Variants in DYSF observed in about 807,000 individuals in gnomAD.
DYSF encodes dysferlin, also known as dystrophy-associated fer-1-like 1.
A neutral mutation model predicts 274.9 loss-of-function variants in DYSF; 212 were observed. The observed-to-expected ratio is 0.77, with a 90% CI of 0.69 to 0.86. DYSF has a LOEUF of 0.86. Ranked by LOEUF, DYSF falls within the 40% of genes least tolerant of loss-of-function variation. DYSF has a pLI of 0.00. For synonymous variants in DYSF, 1,091 were observed against 1,078.7 expected (o/e 1.01, Z -0.22); for missense variants, 2,666 against 2,783.2 (o/e 0.96, Z 0.95).
chr2:71,652,341 C>A (rs1224664274), intron 42 of DYSF, among the ~76,000 whole-genome samples: 2 of 152,136 alleles, frequency 1.3e-5, no homozygotes, highest in Admixed American at 6.5e-5. Flanking sequence ...ACAAAATTAT[C>A]CCTGTGTCTG....
At chr2:71,529,730 G>A (rs2088436399) in intron 14 of DYSF, among the ~76,000 whole-genome samples, 1 of 152,158 alleles carries the variant, frequency 6.6e-6, no homozygotes, top group African/African-American at 2.4e-5. Flanking sequence ...CTTATCTAAT[G>A]GTCTAAGCAT....
rs531018064 is a variant in DYSF at position 71,467,305 on chromosome 2, G to A, written c.91+372G>A. Among the ~76,000 whole-genome samples, 181 of 152,296 alleles carry A rather than the reference G, an allele frequency of 1.2e-3. 4 individuals are homozygous for A. In the South Asian group the frequency reaches 0.035, roughly 30 times the overall value. On this transcript the variant is annotated intron_variant, in intron 1 of 55. Coordinates refer to ENST00000410020, the MANE Select transcript of DYSF (RefSeq NM_001130987.2). ...AATCAGGGCCTCTGAAAAACGGGGC[G>A]TGTAGATGATGTGCTTTGAAAGTTG...
chr2:71,656,638 T>C (rs2094777322), intron 43 of DYSF, among the ~76,000 whole-genome samples: 1 of 152,032 alleles, frequency 6.6e-6, no homozygotes, highest in African/African-American at 2.4e-5. Flanking sequence ...GAACTTAGAG[T>C]TCCACATGGC....
intron 7 of DYSF, among the ~76,000 whole-genome samples, chr2:71,514,878 C>T (rs1299430832): frequency 1.3e-5 from 2 of 151,798 alleles, no homozygotes; most frequent in African/African-American, 2.4e-5. Context: ...ATTTTAGACA[C>T]TTTGGAAAAT....
intron 24 of DYSF, among the ~76,000 whole-genome samples, chr2:71,564,906 C>T (rs954134896): frequency 2.0e-5 from 3 of 152,192 alleles, no homozygotes; most frequent in Non-Finnish European, 2.9e-5. Flanking sequence ...GGCTCATGCG[C>T]GGACATAGAG....
chr2:71,552,323 G>A lies in DYSF; in HGVS notation c.1806+603G>A, dbSNP rs200348312. On this transcript the variant is annotated intron_variant, in intron 19 of 55. Coordinates refer to ENST00000410020, the MANE Select transcript of DYSF (RefSeq NM_001130987.2). ...TCAGTTTCCCTATCTGGAAAGTGGG[G>A]GTAATGATTATACTTATCTCATAAG... Among the ~76,000 whole-genome samples, 22 of 152,242 alleles carry A rather than the reference G, an allele frequency of 1.4e-4. No homozygotes were observed. The East Asian group carries it at 3.9e-3, about 27-fold the overall frequency.
At chr2:71,499,358 GTACTT>G (rs2084741725) in intron 3 of DYSF, among the ~76,000 whole-genome samples, 2 of 152,220 alleles carry the variant, frequency 1.3e-5, no homozygotes, top group South Asian at 4.1e-4. Context: ...TGAATGTACT[GTACTT>G]TATTTACCTG....
At chr2:71,638,113 C>G (rs1048049581) in intron 41 of DYSF, among the ~76,000 whole-genome samples, 2 of 150,490 alleles carry the variant, frequency 1.3e-5, no homozygotes, top group African/African-American at 4.9e-5. Context: ...ATAGCTTGTT[C>G]TATTAAAAAA....
In DYSF at chr2:71,569,926, A is replaced by G. The variant is rs2092325929; in HGVS notation, c.2971A>G (p.Thr991Ala). ...GTGGATCTACATGAGTGACAACTAC[A>G]CCGATGTGGTAAAGCAGGCACTCAG... is the stretch of plus-strand genomic sequence containing the variant. The part of the protein sequence containing the change: ...GQWIYMSDNY[T>A]DVNGEKVLPK... The change falls in exon 27 of 56, where the codon ACC becomes GCC. Residue 991 changes from threonine to alanine, a missense_variant. Thr to Ala is a moderately conservative substitution (Grantham distance 58). Around this residue, in one of 3 missense-constraint regions of DYSF, gnomAD observed 1,460 missense variants for 1,502.1 expected, o/e 0.97. Coordinates refer to ENST00000410020, the MANE Select transcript of DYSF (RefSeq NM_001130987.2). 1 of 1,613,806 alleles carries G rather than the reference A, an allele frequency of 6.2e-7. No homozygotes were observed. Among genetic ancestry groups the G allele is most frequent in the Admixed American group, 1.7e-5 (1 of 59,994 alleles).
At chr2:71,674,875 C>T (rs1020461210) in intron 52 of DYSF, among the ~76,000 whole-genome samples, 9 of 152,182 alleles carry the variant, frequency 5.9e-5, no homozygotes, top group South Asian at 4.1e-4. Flanking sequence ...GGCCTGCACG[C>T]TCATCTGTGA....
intron 3 of DYSF, among the ~76,000 whole-genome samples, chr2:71,502,700 C>T (rs1173894621): frequency 6.6e-6 from 1 of 152,198 alleles, no homozygotes; most frequent in Non-Finnish European, 1.5e-5. Flanking sequence ...GTTTCCCCTG[C>T]CCCAATATCC....
intron 40 of DYSF, among the ~76,000 whole-genome samples, chr2:71,617,954 T>TATAA (rs2093945353): frequency 8.7e-6 from 1 of 115,010 alleles, no homozygotes; most frequent in Non-Finnish European, 1.7e-5. Context: ...AGAGGTGGTG[T>TATAA]GTGTGTTTGG....
rs748683630 is a variant in DYSF, at chr2:71,611,343, C to T, written c.4056C>T (p.Ile1352=). The stretch of plus-strand genomic sequence containing the variant: ...AGCCAGCGCTCCAGCGTACCGCCAT[C>T]GAGGTGAGCCGTCCGGGCCTGGGCG... ...NIKPALQRTA[I]EILAWGLRNM... The change falls in exon 37 of 56, where the codon ATC becomes ATT. Residue 1352 remains isoleucine, a synonymous_variant. Transcript: ENST00000410020. 8 of 1,613,800 alleles carry T rather than the reference C, an allele frequency of 5.0e-6. No individual in the cohort carries two copies. The East Asian group carries it at 6.7e-5, about 13-fold the overall frequency.
intron 42 of DYSF, among the ~76,000 whole-genome samples, chr2:71,653,202 A>T (rs2094698184): frequency 6.6e-6 from 1 of 152,186 alleles, no homozygotes; most frequent in African/African-American, 2.4e-5. Flanking sequence ...ACACTTTTAC[A>T]CTGTTGGTGG....
chr2:71,574,184 C>A lies in DYSF; in HGVS notation c.3229-14C>A, dbSNP rs1020437649. ...TTCCCACCGGCCTCTGAGTCTGCCC[C>A]TTCTCTTGTGCAGCACAGGCAGGCG... On this transcript the variant is annotated splice_polypyrimidine_tract_variant and intron_variant, in intron 29 of 55. Transcript: ENST00000410020. The A allele has an allele frequency of 6.2e-7, 1 of 1,613,432 alleles. No homozygotes were observed. Among genetic ancestry groups the A allele is most frequent in the African/African-American group, 1.3e-5 (1 of 74,950 alleles).
chr2:71,537,936 G>A (rs571424091), intron 16 of DYSF, among the ~76,000 whole-genome samples: 24 of 152,176 alleles, frequency 1.6e-4, no homozygotes, highest in Admixed American at 3.9e-4. Flanking sequence ...GTTTCTCAGT[G>A]TCTGCATCAT....
intron 40 of DYSF, among the ~76,000 whole-genome samples, chr2:71,617,974 TTG>T (rs1167582637): frequency 1.7e-4 from 5 of 30,218 alleles, no homozygotes; most frequent in African/African-American, 6.7e-4. Context: ...GTAGAGGTGT[TTG>T]TGTGGTAGAG....
intron 41 of DYSF, among the ~76,000 whole-genome samples, chr2:71,630,078 T>G (rs1185569321): frequency 6.6e-6 from 1 of 152,290 alleles, no homozygotes; most frequent in Middle Eastern, 3.4e-3. Flanking sequence ...TTCTTTTTTT[T>G]CCTTGTGTTT....
chr2:71,487,135 C>T lies in DYSF; in HGVS notation c.239+5165C>T, dbSNP rs80340480. Reference sequence around the variant, plus strand: ...GAGAGCCACTGATCTGGACTCTAGACCAGCACTGCCCACTAGAACTTTCTG... The same window carrying T: ...GAGAGCCACTGATCTGGACTCTAGATCAGCACTGCCCACTAGAACTTTCTG... On this transcript the variant is annotated intron_variant, in intron 3 of 55. Coordinates refer to ENST00000410020, the MANE Select transcript of DYSF (RefSeq NM_001130987.2). Among the ~76,000 whole-genome samples the T allele has an allele frequency of 2.6e-4, 40 of 152,324 alleles. 1 individual carries two copies. In the East Asian group the frequency reaches 7.7e-3, roughly 29 times the overall value.
Sources: allele counts gnomAD v4.1 joint callset (sites outside exome capture counted in the v4.1 genomes callset), GRCh38; gene constraint gnomAD v4.1.1; regional missense constraint gnomAD v4.1.1; transcripts MANE v1.5; gene names NCBI Gene and HGNC (gene_info 2026-07-23, HGNC 2026-07-21).